Variants in MACROD2 observed in about 807,000 individuals in gnomAD.
The protein encoded by MACROD2 is mono-ADP ribosylhydrolase 2, also known as ADP-ribose glycohydrolase MACROD2.
In MACROD2, 36 loss-of-function variants were observed where a neutral mutation model predicts 70.4. The observed-to-expected ratio is 0.51, with a 90% CI of 0.39 to 0.68. MACROD2 has a LOEUF of 0.68. Ranked by LOEUF, MACROD2 falls within the 30% of genes least tolerant of loss-of-function variation. MACROD2 has a pLI of 0.00. For missense variants in MACROD2, 496 were observed against 538.4 expected (o/e 0.92, Z 0.78); for synonymous variants, 172 against 178.8 (o/e 0.96, Z 0.30).
intron 8 of MACROD2, among the ~76,000 whole-genome samples, chr20:15,682,944 A>G (rs541700317): frequency 1.3e-5 from 2 of 151,894 alleles, no homozygotes; most frequent in South Asian, 4.2e-4. Context: ...TCCCTGTCAG[A>G]TATCATGCTC....
At chr20:15,987,202 T>A (rs1376817782) in intron 15 of MACROD2, 44 bp downstream of exon 15, 4 of 1,445,924 alleles carry the variant, frequency 2.8e-6, no homozygotes, top group Non-Finnish European at 3.8e-6. Context: ...GGAGAGTTTC[T>A]TTGGATTCCT....
chr20:15,308,283 CTTATCAA>C (rs1387301121), intron 6 of MACROD2, among the ~76,000 whole-genome samples: 2 of 152,028 alleles, frequency 1.3e-5, no homozygotes, highest in African/African-American at 4.8e-5. Context: ...TTCTGTGTTG[CTTATCAA>C]ATGAGTGCTG....
intron 3 of MACROD2, among the ~76,000 whole-genome samples, chr20:14,169,501 T>C (rs2081200737): frequency 6.6e-6 from 1 of 151,766 alleles, no homozygotes; most frequent in Non-Finnish European, 1.5e-5. Context: ...ATGGGGTTTC[T>C]CCATGTTGGT....
At chr20:14,651,520 T>A (rs1985677842) in intron 4 of MACROD2, among the ~76,000 whole-genome samples, 1 of 152,128 alleles carries the variant, frequency 6.6e-6, no homozygotes. Context: ...GAGTAATAAG[T>A]GATGGAGGTA....
At position 14,428,234 on chromosome 20, in the gene MACROD2, T is replaced by C. The variant is rs917600684; in HGVS notation, c.272-65245T>C. Among the ~76,000 whole-genome samples, 47 of 152,116 alleles carry C rather than the reference T, an allele frequency of 3.1e-4. 3 individuals are homozygous for C. The highest frequency in any genetic ancestry group is 1.5e-5 in the Non-Finnish European group (1 of 67,976). On this transcript the variant is annotated intron_variant, in intron 3 of 17. Coordinates refer to ENST00000684519, the MANE Select transcript of MACROD2 (RefSeq NM_001351661.2). Reference sequence around the variant, plus strand: ...GATCCTTTTAGACCAGACCACACTGTCTTCAAGATATATGCCTATTAAAAT... The same window carrying C: ...GATCCTTTTAGACCAGACCACACTGCCTTCAAGATATATGCCTATTAAAAT...
chr20:14,260,218 T>G lies in MACROD2; in HGVS notation c.271+174490T>G, dbSNP rs1191896616. 2.0e-5 allele frequency among the ~76,000 whole-genome samples: 3 copies of G among 152,212 alleles called. No homozygotes were observed. In the East Asian group the frequency reaches 5.8e-4, roughly 29 times the overall value. On this transcript the variant is annotated intron_variant, in intron 3 of 17. Coordinates refer to ENST00000684519, the MANE Select transcript of MACROD2 (RefSeq NM_001351661.2). ...GTAGAAGTATGAGTACATATGTGTT[T>G]GTATTTTTGCATGGACATACATTTA...
chr20:14,359,023 C>T lies in MACROD2; in HGVS notation c.272-134456C>T, dbSNP rs559531336. Among the ~76,000 whole-genome samples the T allele has an allele frequency of 1.4e-4, 21 of 152,016 alleles. No homozygotes were observed. In the East Asian group the frequency reaches 1.9e-3, roughly 14 times the overall value. On this transcript the variant is annotated intron_variant, in intron 3 of 17. Transcript: ENST00000684519. ...GCAACATAATGGGACCTCATCTCTA[C>T]AAAAAATTTAAAAAATTAGCCAGGC...
rs1203391764 is a variant in MACROD2, at chr20:15,558,862, T to C, written c.645+59015T>C. On this transcript the variant is annotated intron_variant, in intron 8 of 17. Transcript: ENST00000684519. ...TATGTATTTCTTATAAAGAAAAGAT[T>C]AGTTTAAGTGACTATCAAAATTAAA... Among the ~76,000 whole-genome samples the C allele has an allele frequency of 2.0e-5, 3 of 152,202 alleles. No homozygotes were observed. The East Asian group carries it at 5.8e-4, about 29-fold the overall frequency.
Position 14,326,378 on chromosome 20 carries a change from C to T in MACROD2, c.272-167101C>T, listed in dbSNP as rs8120693. ...ACTGGAGCTGGCCACTGTCCTTGGG[C>T]AGGATACACTGTGTTGGGTATTGCA... On this transcript the variant is annotated intron_variant, in intron 3 of 17. Coordinates refer to ENST00000684519, the MANE Select transcript of MACROD2 (RefSeq NM_001351661.2). The surrounding 1 kb of genome is among the most constrained non-coding windows in gnomAD (Gnocchi z 5.5). The T allele has an allele frequency of 0.012, 18,844 of 1,613,912 alleles. 142 individuals carry two copies. Among genetic ancestry groups the T allele is most frequent in the African/African-American group, 0.027 (2,008 of 75,014 alleles).
At chr20:15,496,600 G>A (rs1047436600) in intron 7 of MACROD2, among the ~76,000 whole-genome samples, 1 of 152,176 alleles carries the variant, frequency 6.6e-6, no homozygotes, top group Non-Finnish European at 1.5e-5. Context: ...GAGTGTGATT[G>A]CAGTATTTAT....
At chr20:15,405,022 G>A (rs1381288157) in intron 6 of MACROD2, among the ~76,000 whole-genome samples, 1 of 152,188 alleles carries the variant, frequency 6.6e-6, no homozygotes, top group African/African-American at 2.4e-5. Context: ...GGAGAAAGAA[G>A]CCAGATACAA....
chr20:13,995,888 GCGCCCTCCGCC>G lies in MACROD2; in HGVS notation c.46+82_46+92del. 6.7e-7 allele frequency: 1 copy of G among 1,497,408 alleles called. No homozygotes were observed. Among genetic ancestry groups the G allele is most frequent in the South Asian group, 1.2e-5 (1 of 82,852 alleles). The allele number at this position is 1,497,408 out of a possible 1,614,324, so 92.8% of individuals were successfully genotyped here. ...CGGGGGTCAGGCTGTGTGTGCCGCG[GCGCCCTCCGCC>G]CGAGCTCCCGCCTCGCGCCCTCCCG... On this transcript the variant is annotated intron_variant, in intron 1 of 17. Coordinates refer to ENST00000684519, the MANE Select transcript of MACROD2 (RefSeq NM_001351661.2). The surrounding 1 kb of genome is among the most constrained non-coding windows in gnomAD (Gnocchi z 4.3).
chr20:14,189,092 C>T (rs554843109), intron 3 of MACROD2, among the ~76,000 whole-genome samples: 1 of 152,220 alleles, frequency 6.6e-6, no homozygotes, highest in African/African-American at 2.4e-5. Context: ...CTGCTTCATG[C>T]TGTGATGCTA....
chr20:16,018,248 G>A (rs2066955689), intron 15 of MACROD2, among the ~76,000 whole-genome samples: 1 of 152,190 alleles, frequency 6.6e-6, no homozygotes. Flanking sequence ...AAATGCAGCA[G>A]TGAGATCATC....
intron 3 of MACROD2, among the ~76,000 whole-genome samples, chr20:14,393,868 T>C (rs559475399): frequency 2.6e-5 from 4 of 152,254 alleles, no homozygotes; most frequent in Non-Finnish European, 5.9e-5. Context: ...TGGAGCCCTA[T>C]GTTAGGATTA....
At chr20:15,360,537 A>T (rs1288540036) in intron 6 of MACROD2, among the ~76,000 whole-genome samples, 2 of 152,124 alleles carry the variant, frequency 1.3e-5, no homozygotes, top group Non-Finnish European at 2.9e-5. Flanking sequence ...TTGCTTGACT[A>T]TATGTTATAA....
chr20:15,734,121 AG>A (rs1452777274), intron 8 of MACROD2, among the ~76,000 whole-genome samples: 1 of 152,150 alleles, frequency 6.6e-6, no homozygotes, highest in Non-Finnish European at 1.5e-5. Flanking sequence ...GTTTTGAAGG[AG>A]GAATAGGAGT....
At chr20:15,074,840 G>C (rs893192402) in intron 5 of MACROD2, among the ~76,000 whole-genome samples, 1 of 152,130 alleles carries the variant, frequency 6.6e-6, no homozygotes, top group Admixed American at 6.5e-5. Flanking sequence ...ATCCTTCCAC[G>C]TATTTACTGA....
chr20:15,646,409 T>C (rs956677568), intron 8 of MACROD2, among the ~76,000 whole-genome samples: 11 of 152,220 alleles, frequency 7.2e-5, no homozygotes, highest in Admixed American at 6.5e-4. Flanking sequence ...AAATTTGTGC[T>C]GAAAAGTCTT....
Sources: gnomAD v4.1 joint callset for allele counts (sites outside exome capture counted in the v4.1 genomes callset) on GRCh38, gnomAD v4.1.1 for gene constraint, Gnocchi (gnomAD v3.1) non-coding constraint, MANE v1.5 for transcripts, NCBI Gene and HGNC (gene_info 2026-07-23, HGNC 2026-07-21) for gene names.